CFAP20DC: variants seen among roughly 807,000 people sequenced by gnomAD.
CFAP20DC encodes the protein protein CFAP20DC.
CFAP20DC carries 84 observed loss-of-function variants against 101.7 expected under a neutral mutation model. The observed-to-expected ratio is 0.83, with a 90% CI of 0.69 to 0.99. The LOEUF (loss-of-function observed/expected upper bound fraction) is 0.99. Among genes scored for constraint, CFAP20DC ranks in the 50% least tolerant of loss-of-function variants. CFAP20DC has a pLI of 0.00. For synonymous variants in CFAP20DC, 359 were observed against 351.2 expected (o/e 1.02, Z -0.25); for missense variants, 1,007 against 970.3 (o/e 1.04, Z -0.50).
intron 13 of CFAP20DC, among the ~76,000 whole-genome samples, chr3:58,833,347 C>T (rs1172606573): frequency 1.3e-5 from 2 of 151,604 alleles, no homozygotes; most frequent in African/African-American, 2.4e-5. Flanking sequence ...AGTTCTTGGG[C>T]CAAAATACGT....
chr3:58,768,780 C>T (rs960528344), intron 15 of CFAP20DC, among the ~76,000 whole-genome samples: 3 of 152,214 alleles, frequency 2.0e-5, no homozygotes, highest in African/African-American at 7.2e-5. Context: ...ATGAAAGCCA[C>T]ATCCGTAGTC....
At chr3:59,042,490 T>C (rs938046100) in intron 3 of CFAP20DC, among the ~76,000 whole-genome samples, 4 of 151,958 alleles carry the variant, frequency 2.6e-5, no homozygotes, top group Admixed American at 2.0e-4. Context: ...GCCAAGGTGA[T>C]AGTGCACTGG....
chr3:58,814,680 T>C (rs1386393014), intron 14 of CFAP20DC, among the ~76,000 whole-genome samples: 1 of 150,764 alleles, frequency 6.6e-6, no homozygotes, highest in Non-Finnish European at 1.5e-5. Context: ...AAAATCAATG[T>C]ACAAAAATCA....
chr3:58,951,364 C>T (rs1267585426), intron 4 of CFAP20DC, among the ~76,000 whole-genome samples: 1 of 152,152 alleles, frequency 6.6e-6, no homozygotes, highest in East Asian at 1.9e-4. Context: ...CCTCAGGGAT[C>T]TAGGACTAGA....
At chr3:58,811,139 T>A (rs2107786186) in intron 14 of CFAP20DC, among the ~76,000 whole-genome samples, 1 of 152,140 alleles carries the variant, frequency 6.6e-6, no homozygotes, top group East Asian at 1.9e-4. Context: ...CCAAGGTAAT[T>A]TATAGATGCA....
intron 15 of CFAP20DC, among the ~76,000 whole-genome samples, chr3:58,754,119 A>T (rs1271092414): frequency 6.6e-6 from 1 of 152,198 alleles, no homozygotes; most frequent in Non-Finnish European, 1.5e-5. Flanking sequence ...TATTGTTGTT[A>T]TTAAATTACA....
chr3:58,849,231 T>C lies in CFAP20DC; in HGVS notation c.1772A>G (p.Asp591Gly). Residue 591 changes from aspartate (D) to glycine (G), a missense_variant, in exon 13 of 17, where the codon GAT (aspartate) becomes GGT (glycine). Coordinates refer to ENST00000482387, the MANE Select transcript of CFAP20DC (RefSeq NM_001394063.1). Reference protein sequence around the residue: ...ESQDSSMEQIDRNNFEMSLLP... With the variant: ...ESQDSSMEQIGRNNFEMSLLP... ...CAAACTCATTTCAAAGTTATTTCTA[T>C]CTATTTGCTCCATCGAGGAATCCTG... The C allele has an allele frequency of 6.5e-7, 1 of 1,536,098 alleles. No homozygotes were observed. The highest frequency in any genetic ancestry group is 2.4e-5 in the East Asian group (1 of 40,924).
In CFAP20DC at chr3:58,884,579, T is replaced by C; in HGVS notation, c.681A>G (p.Lys227=). The C allele has an allele frequency of 6.2e-7, 1 of 1,614,064 alleles. No individual in the cohort carries two copies. The change falls in exon 7 of 17, where the codon AAA becomes AAG. Residue 227 remains lysine, a synonymous_variant. Transcript: ENST00000482387. ...NMTKLRQTEI[K]FGGHPLRSAE... is the part of the protein sequence containing the mutation. ...CTGATCTTAGAGGATGGCCTCCGAA[T>C]TTTATTTCAGTTTGGCGAAGTTTAG...
intron 4 of CFAP20DC, among the ~76,000 whole-genome samples, chr3:58,939,756 C>T (rs989865518): frequency 6.8e-6 from 1 of 146,620 alleles, no homozygotes; most frequent in Non-Finnish European, 1.5e-5. Flanking sequence ...CCGTGCCCGG[C>T]CCATTTTTTT....
At chr3:58,769,039 C>A (rs1342003724) in intron 15 of CFAP20DC, among the ~76,000 whole-genome samples, 1 of 152,194 alleles carries the variant, frequency 6.6e-6, no homozygotes, top group Non-Finnish European at 1.5e-5. Context: ...GGGCTGCTGC[C>A]ACCCTTAGAC....
chr3:58,920,521 C>T (rs1247775028), intron 5 of CFAP20DC, among the ~76,000 whole-genome samples: 1 of 152,132 alleles, frequency 6.6e-6, no homozygotes, highest in Non-Finnish European at 1.5e-5. Flanking sequence ...CCTTCTATTC[C>T]TAGTTTAATG....
intron 4 of CFAP20DC, among the ~76,000 whole-genome samples, chr3:58,973,899 G>A (rs2092107895): frequency 6.6e-6 from 1 of 152,038 alleles, no homozygotes; most frequent in South Asian, 2.1e-4. Context: ...AAGAGGGAAG[G>A]AATACCCTGG....
intron 4 of CFAP20DC, among the ~76,000 whole-genome samples, chr3:59,019,698 TTCAAAATGTACTGAGGATG>T (rs2093763807): frequency 6.6e-6 from 1 of 152,064 alleles, no homozygotes; most frequent in South Asian, 2.1e-4. Context: ...TGGTGACACT[TTCAAAATGTACTGAGGATG>T]TCATGTATTT....
intron 4 of CFAP20DC, among the ~76,000 whole-genome samples, chr3:59,032,803 C>T (rs2094022008): frequency 6.6e-6 from 1 of 152,198 alleles, no homozygotes; most frequent in Non-Finnish European, 1.5e-5. Context: ...TGCCTGCTGG[C>T]TCTGATGAGA....
intron 4 of CFAP20DC, among the ~76,000 whole-genome samples, chr3:59,016,284 G>A (rs534313694): frequency 1.6e-4 from 25 of 152,216 alleles, no homozygotes; most frequent in African/African-American, 5.3e-4. Flanking sequence ...ATTATGTTAA[G>A]TGAACTAAGT....
chr3:58,816,338 G>A (rs962981429), intron 14 of CFAP20DC, among the ~76,000 whole-genome samples: 5 of 152,278 alleles, frequency 3.3e-5, no homozygotes, highest in African/African-American at 7.2e-5. Flanking sequence ...CAGAGTGAGC[G>A]ACGCAGAAGA....
chr3:58,939,831 A>G (rs111466801), intron 4 of CFAP20DC, among the ~76,000 whole-genome samples: 7 of 147,218 alleles, frequency 4.8e-5, no homozygotes, highest in African/African-American at 1.8e-4. Context: ...CAATGGTGCA[A>G]TCGTGGCTTA....
intron 3 of CFAP20DC, among the ~76,000 whole-genome samples, chr3:59,039,954 CAT>C (rs2109230739): frequency 6.6e-6 from 1 of 151,942 alleles, no homozygotes; most frequent in African/African-American, 2.4e-5. Flanking sequence ...TCAACAGAGA[CAT>C]ATAAAATTGA....
At chr3:58,984,670 G>C (rs73837003) in intron 4 of CFAP20DC, among the ~76,000 whole-genome samples, 2,720 of 152,188 alleles carry the variant, frequency 0.018, 68 homozygotes, top group African/African-American at 0.061. Flanking sequence ...TGGAAAAAAT[G>C]ATTAGCATTA....
Sources: gnomAD v4.1 joint callset for allele counts (sites outside exome capture counted in the v4.1 genomes callset) on GRCh38, gnomAD v4.1.1 for gene constraint, MANE v1.5 for transcripts, NCBI Gene and HGNC (gene_info 2026-07-23, HGNC 2026-07-21) for gene names.